The following MKLN1 variants were observed in gnomAD, a reference collection of about 807,000 sequenced individuals.
MKLN1 encodes the protein muskelin.
Under a neutral mutation model 99.0 loss-of-function variants are expected in MKLN1, and 18 were observed. The ratio of observed to expected loss-of-function variants is 0.18; its 90% CI spans 0.13 to 0.27. MKLN1 has a LOEUF of 0.27. Among genes scored for constraint, MKLN1 ranks in the 10% least tolerant of loss-of-function variants. The probability of loss-of-function intolerance (pLI) is 1.00; values close to 1 mark genes in which losing one functional copy is unlikely to be tolerated. For synonymous variants in MKLN1, 288 were observed against 293.2 expected, an observed-to-expected ratio of 0.98 and a Z score of 0.18; for missense variants, 621 against 875.9, an observed-to-expected ratio of 0.71 and a Z score of 3.67.
chr7:131,471,065 T>C (rs1267080293), intron 16 of MKLN1, 121 bp downstream of exon 16: 2 of 643,374 alleles, frequency 3.1e-6, no homozygotes, highest in Admixed American at 6.0e-5. Flanking sequence ...ATGACATCAG[T>C]AATCTTTAAA....
intron 1 of MKLN1, among the ~76,000 whole-genome samples, chr7:131,369,265 C>T (rs1005723014): frequency 6.6e-6 from 1 of 152,202 alleles, no homozygotes; most frequent in South Asian, 2.1e-4. Flanking sequence ...AATGAGAGTT[C>T]TAGGTGAAAG....
At chr7:131,358,915 G>C (rs1347155401) in intron 1 of MKLN1, among the ~76,000 whole-genome samples, 1 of 151,562 alleles carries the variant, frequency 6.6e-6, no homozygotes, top group Admixed American at 6.6e-5. Context: ...TTTTTTCTTT[G>C]TTAGCCTAGC....
At chr7:131,480,040 A>C (rs998069115) in intron 17 of MKLN1, among the ~76,000 whole-genome samples, 1 of 150,278 alleles carries the variant, frequency 6.7e-6, no homozygotes, top group Non-Finnish European at 1.5e-5. Context: ...AAAAAAAAAA[A>C]ATACCAAGAC....
intron 1 of MKLN1, among the ~76,000 whole-genome samples, chr7:131,134,926 C>T (rs1400518594): frequency 3.3e-5 from 5 of 152,198 alleles, no homozygotes; most frequent in Non-Finnish European, 7.3e-5. Flanking sequence ...CAAGGTTCCT[C>T]GCAATATAAC....
chr7:131,389,781 C>G (rs997649029), intron 4 of MKLN1, among the ~76,000 whole-genome samples: 3 of 151,554 alleles, frequency 2.0e-5, no homozygotes, highest in Non-Finnish European at 4.4e-5. Flanking sequence ...CCCAGTTACT[C>G]GGGAAGCTGA....
intron 2 of MKLN1, among the ~76,000 whole-genome samples, chr7:131,144,837 C>A (rs913818780): frequency 1.3e-5 from 2 of 152,066 alleles, no homozygotes; most frequent in Admixed American, 1.3e-4. Flanking sequence ...ATTAGCCAGG[C>A]GTGGTGGCAC....
intron 3 of MKLN1, among the ~76,000 whole-genome samples, chr7:131,268,792 G>A (rs1442129620): frequency 6.6e-6 from 1 of 152,224 alleles, no homozygotes; most frequent in Non-Finnish European, 1.5e-5. Flanking sequence ...GAGCTCCTTA[G>A]AGCAGGCAGA....
chr7:131,433,309 A>T (rs1268974198), intron 9 of MKLN1, among the ~76,000 whole-genome samples: 1 of 152,188 alleles, frequency 6.6e-6, no homozygotes, highest in African/African-American at 2.4e-5. Context: ...TAGCAAGAAT[A>T]ACCCATAGAT....
At chr7:131,282,788 C>G (rs1188402198) in intron 3 of MKLN1, among the ~76,000 whole-genome samples, 2 of 152,188 alleles carry the variant, frequency 1.3e-5, no homozygotes. Context: ...TTTAAATATA[C>G]AGATTCCAGA....
intron 3 of MKLN1, chr7:131,242,917 A>G: frequency 1.5e-6 from 1 of 658,048 alleles, no homozygotes; most frequent in Non-Finnish European, 2.9e-6. Context: ...CTTAAACACA[A>G]GGCCCGATGA....
At chr7:131,451,742 T>C (rs1335455188) in intron 12 of MKLN1, among the ~76,000 whole-genome samples, 2 of 152,226 alleles carry the variant, frequency 1.3e-5, no homozygotes, top group African/African-American at 4.8e-5. Flanking sequence ...TGAGTTTATT[T>C]CTGAGAAACT....
chr7:131,205,097 CAA>C (rs5887500), intron 3 of MKLN1, among the ~76,000 whole-genome samples: 47 of 141,380 alleles, frequency 3.3e-4, no homozygotes, highest in African/African-American at 9.0e-4. Context: ...GACTCCGTCT[CAA>C]AAAAAAAAAA....
intron 17 of MKLN1, among the ~76,000 whole-genome samples, chr7:131,486,518 A>G (rs974272228): frequency 2.6e-5 from 4 of 152,096 alleles, no homozygotes; most frequent in African/African-American, 9.7e-5. Flanking sequence ...GTTATGGTCT[A>G]TTCCTGTTCT....
chr7:131,321,808 G>C (rs1798781527), intron 3 of MKLN1, among the ~76,000 whole-genome samples: 1 of 152,134 alleles, frequency 6.6e-6, no homozygotes, highest in African/African-American at 2.4e-5. Context: ...GTCCTCACAA[G>C]ATCAAGAATC....
At chr7:131,165,772 G>A (rs2116323206) in intron 2 of MKLN1, among the ~76,000 whole-genome samples, 1 of 152,274 alleles carries the variant, frequency 6.6e-6, no homozygotes, top group East Asian at 1.9e-4. Context: ...AGCGGCACCG[G>A]GTGGTACGAG....
chr7:131,220,159 C>A (rs540189967), intron 3 of MKLN1, among the ~76,000 whole-genome samples: 22 of 152,330 alleles, frequency 1.4e-4, no homozygotes, highest in African/African-American at 5.3e-4. Context: ...CATGAACAGA[C>A]CCTTTCACAA....
At chr7:131,205,965 C>T (rs1452749630) in intron 3 of MKLN1, among the ~76,000 whole-genome samples, 2 of 150,966 alleles carry the variant, frequency 1.3e-5, no homozygotes, top group Non-Finnish European at 2.9e-5. Flanking sequence ...ATGATCTCTG[C>T]TCACTGCAAC....
chr7:131,312,733 G>A lies in MKLN1; in HGVS notation c.-178-62691G>A, dbSNP rs888675358. On this transcript the variant is annotated intron_variant, in intron 3 of 7. Coordinates refer to the MKLN1 transcript ENST00000416992. ...TTATATGCTCTCTATGTAAATTTCT[G>A]GCCTAGTAGTTTTAGTTACATATAT... Among the ~76,000 whole-genome samples, 108 of 151,970 alleles carry A rather than the reference G, an allele frequency of 7.1e-4. 1 individual carries two copies. Among genetic ancestry groups the A allele is most frequent in the Non-Finnish European group, 1.2e-4 (8 of 67,998 alleles).
At chr7:131,454,295 A>G (rs1026578229) in intron 12 of MKLN1, among the ~76,000 whole-genome samples, 5 of 152,322 alleles carry the variant, frequency 3.3e-5, no homozygotes, top group Admixed American at 2.0e-4. Flanking sequence ...CCACCAGTAA[A>G]TAAATTGGTT....
Sources: allele counts gnomAD v4.1 joint callset (sites outside exome capture counted in the v4.1 genomes callset), GRCh38; gene constraint gnomAD v4.1.1; transcripts MANE v1.5; gene names NCBI Gene and HGNC (gene_info 2026-07-23, HGNC 2026-07-21).